Variants in RGP1 observed in about 807,000 individuals in gnomAD.
RGP1 encodes the protein RGP1 partner of RAB6A GEF complex.
Under a neutral mutation model 44.5 loss-of-function variants are expected in RGP1, and 28 were observed. That is an observed-to-expected ratio of 0.63 (90% CI 0.47 to 0.86). RGP1 has a LOEUF of 0.86. Among genes scored for constraint, RGP1 ranks in the 40% least tolerant of loss-of-function variants. The probability of loss-of-function intolerance (pLI) is 0.00; values close to 1 mark genes in which losing one functional copy is unlikely to be tolerated. For synonymous variants in RGP1, 212 were observed against 196.7 expected, an observed-to-expected ratio of 1.08 and a Z score of -0.65; for missense variants, 417 against 490.7, an observed-to-expected ratio of 0.85 and a Z score of 1.42.
At chr9:35,774,785 T>C in the RGP1 span, among the ~76,000 whole-genome samples, 2 of 152,136 alleles carry the variant, frequency 1.3e-5, no homozygotes, top group African/African-American at 4.8e-5. Context: ...TTTATTGATT[T>C]TATTTTTATT....
At position 35,752,720 on chromosome 9, in the gene RGP1, C is replaced by T; in HGVS notation, c.1022C>T (p.Pro341Leu). 2 of 1,613,754 alleles carry T rather than the reference C, an allele frequency of 1.2e-6. No individual in the cohort carries two copies. The highest frequency in any genetic ancestry group is 1.1e-5 in the South Asian group (1 of 91,022). ...GAACCAGGATTGGTACTCCTACCCCCTGTGGAACAGCCCGAACCTACCACC... is the reference window on the plus strand; with the variant it reads ...GAACCAGGATTGGTACTCCTACCCCTTGTGGAACAGCCCGAACCTACCACC... ...SREPGLVLLP[P>L]VEQPEPTTWT... Residue 341 changes from proline (P) to leucine (L), a missense_variant, in exon 9 of 9, where the codon CCT becomes CTT. Pro to Leu is a moderately conservative substitution (Grantham distance 98). Coordinates refer to ENST00000378078, the MANE Select transcript of RGP1 (RefSeq NM_001080496.3).
At position 35,758,036 on chromosome 9, in the gene RGP1, A is replaced by G. The variant is rs1376987813; in HGVS notation, c.*5162A>G. The G allele has an allele frequency of 1.3e-5, 2 of 152,202 alleles. No individual in the cohort carries two copies. Among genetic ancestry groups the G allele is most frequent in the East Asian group, 3.8e-4 (2 of 5,198 alleles). The allele number at this position is 152,202 out of a possible 1,614,324, so 9.4% of individuals were successfully genotyped here. On this transcript the variant is annotated 3_prime_UTR_variant, in exon 9 of 9. Transcript: ENST00000378078. ...CTTTTTCTTGTTTGGCTTTTGTGCCATTTGCCCCTCACTGACTTGATTGAA... is the reference window on the plus strand; with the variant it reads ...CTTTTTCTTGTTTGGCTTTTGTGCCGTTTGCCCCTCACTGACTTGATTGAA...
Position 35,753,381 on chromosome 9 carries a change from C to A in RGP1, c.*507C>A. On this transcript the variant is annotated 3_prime_UTR_variant, in exon 9 of 9. Transcript: ENST00000378078. This position sits in a 1 kb window ranked among gnomAD's most constrained non-coding sequence, Gnocchi z 4.2. ...TCACAGTTTTCCCCCCACAGAGCCCCTTTCAGTGGCCCCTTGGTCCTCCTA... is the reference window on the plus strand; with the variant it reads ...TCACAGTTTTCCCCCCACAGAGCCCATTTCAGTGGCCCCTTGGTCCTCCTA... The A allele has an allele frequency of 7.6e-7, 1 of 1,317,000 alleles. No individual in the cohort carries two copies. Among genetic ancestry groups the A allele is most frequent in the East Asian group, 2.4e-5 (1 of 41,308 alleles). 81.6% of individuals were successfully genotyped at this position (1,317,000 alleles called of 1,614,324 possible). A position where few individuals can be genotyped will look rare whatever the true frequency, so the allele number is the denominator to read the frequency against.
chr9:35,765,300 T>A, the RGP1 span, among the ~76,000 whole-genome samples: 5 of 152,238 alleles, frequency 3.3e-5, no homozygotes, highest in Admixed American at 3.3e-4. Context: ...TGCATTTTTT[T>A]AAGATAAATG....
the RGP1 span, among the ~76,000 whole-genome samples, chr9:35,773,041 G>A: frequency 6.6e-6 from 1 of 151,882 alleles, no homozygotes; most frequent in Non-Finnish European, 1.5e-5. Flanking sequence ...TTATCCTTGT[G>A]GTACCTTAAA....
chr9:35,767,729 C>T, the RGP1 span, among the ~76,000 whole-genome samples: 6 of 152,116 alleles, frequency 3.9e-5, no homozygotes, highest in African/African-American at 1.4e-4. Context: ...TTCATCATGG[C>T]ATTCTTTCTT....
chr9:35,767,630 T>C, the RGP1 span, among the ~76,000 whole-genome samples: 1 of 152,182 alleles, frequency 6.6e-6, no homozygotes, highest in African/African-American at 2.4e-5. Flanking sequence ...TAATTTATAT[T>C]GATGGATTTG....
chr9:35,750,510 A>C, intron 3 of RGP1, 131 bp downstream of exon 3: 1 of 1,326,472 alleles, frequency 7.5e-7, no homozygotes, highest in South Asian at 1.3e-5. Flanking sequence ...GTTGGGGAGC[A>C]TGACTATTGC....
At position 35,749,419 on chromosome 9, in the gene RGP1, G is replaced by C; in HGVS notation, c.-20+11G>C. Reference sequence around the variant, plus strand: ...TGTCGACTATGCGAGGTGACTAGCGGCGGTGATCTTGGGCTGGGACGTGGA... The same window carrying C: ...TGTCGACTATGCGAGGTGACTAGCGCCGGTGATCTTGGGCTGGGACGTGGA... On this transcript the variant is annotated intron_variant, in intron 1 of 8. Coordinates refer to ENST00000378078, the MANE Select transcript of RGP1 (RefSeq NM_001080496.3). The surrounding 1 kb of genome is among the most constrained non-coding windows in gnomAD (Gnocchi z 4.4). The C allele has an allele frequency of 1.8e-6, 1 of 570,512 alleles. No homozygotes were observed. Among genetic ancestry groups the C allele is most frequent in the Non-Finnish European group, 3.5e-6 (1 of 283,782 alleles). 35.3% of individuals were successfully genotyped at this position (570,512 alleles called of 1,614,324 possible).
the RGP1 span, among the ~76,000 whole-genome samples, chr9:35,765,500 T>C: frequency 6.6e-6 from 1 of 151,852 alleles, no homozygotes. Flanking sequence ...CTACAAAAAA[T>C]ACAAAAATTA....
At chr9:35,789,320 T>C in the RGP1 span, among the ~76,000 whole-genome samples, 1 of 144,854 alleles carries the variant, frequency 6.9e-6, no homozygotes, top group African/African-American at 2.6e-5. Context: ...ACCAGGCTCC[T>C]TCCACTTCCT....
At chr9:35,785,100 T>G in the RGP1 span, among the ~76,000 whole-genome samples, 12 of 152,314 alleles carry the variant, frequency 7.9e-5, no homozygotes, top group East Asian at 2.3e-3. Context: ...TTCATCATAA[T>G]AAAATTTGGC....
At chr9:35,783,551 T>C in the RGP1 span, among the ~76,000 whole-genome samples, 1 of 152,094 alleles carries the variant, frequency 6.6e-6, no homozygotes, top group Admixed American at 6.6e-5. Flanking sequence ...TTTTTTTAGA[T>C]TCCACATATG....
rs368712632 is a variant in RGP1 at position 35,753,971 on chromosome 9, T to A, written c.*1097T>A. 2 of 1,601,496 alleles carry A rather than the reference T, an allele frequency of 1.2e-6. No homozygotes were observed. Among genetic ancestry groups the A allele is most frequent in the African/African-American group, 2.7e-5 (2 of 74,750 alleles). On this transcript the variant is annotated 3_prime_UTR_variant, in exon 9 of 9. Coordinates refer to ENST00000378078, the MANE Select transcript of RGP1 (RefSeq NM_001080496.3). The surrounding 1 kb of genome is among the most constrained non-coding windows in gnomAD (Gnocchi z 4.2). ...CTCCCTGTGCCCTCTCTGCTGCTCC[T>A]CCATTCCTAACGCTTCACCCCACTT... is the stretch of plus-strand genomic sequence containing the variant.
the RGP1 span, among the ~76,000 whole-genome samples, chr9:35,788,272 A>C: frequency 1.3e-5 from 2 of 152,198 alleles, no homozygotes; most frequent in Admixed American, 6.5e-5. Context: ...TCTGGATCAG[A>C]AATAAGGTGT....
At chr9:35,759,139 C>A (rs977913902), downstream of RGP1, among the ~76,000 whole-genome samples, 1 of 152,218 alleles carries the variant, frequency 6.6e-6, no homozygotes, top group Non-Finnish European at 1.5e-5. Context: ...ACTCTCCCAA[C>A]GTTTTGCATC....
rs1298939745 is a variant in RGP1 at position 35,750,740 on chromosome 9, A to G, written c.336A>G (p.Ser112=). Reference sequence around the variant, plus strand: ...GGCTTGATCCTGGAGAGTCCAAATCATGTGAGTGATTGTCCCCATCCCTGA... The same window carrying G: ...GGCTTGATCCTGGAGAGTCCAAATCGTGTGAGTGATTGTCCCCATCCCTGA... ...DLRLDPGESK[S]YSYSEVLPIE... is the part of the protein sequence containing the mutation. The change falls in exon 4 of 9, where the codon TCA becomes TCG. Residue 112 remains serine (S), a splice_region_variant and synonymous_variant. Transcript: ENST00000378078. The G allele has an allele frequency of 1.9e-6, 3 of 1,613,852 alleles. No individual in the cohort carries two copies. In the South Asian group the frequency reaches 3.3e-5, roughly 18 times the overall value.
the RGP1 span, among the ~76,000 whole-genome samples, chr9:35,774,117 G>A: frequency 3.9e-5 from 6 of 152,312 alleles, no homozygotes; most frequent in South Asian, 1.2e-3. Context: ...ATTATTATAA[G>A]TTGGTTGAAT....
Position 35,750,370 on chromosome 9 carries a change from C to A in RGP1, c.244C>A (p.Pro82Thr), listed in dbSNP as rs1448614273. 2 of 1,613,754 alleles carry A rather than the reference C, an allele frequency of 1.2e-6. No homozygotes were observed. Among genetic ancestry groups the A allele is most frequent in the Admixed American group, 1.7e-5 (1 of 59,992 alleles). ...VQPDSQTVFL[P>T]HRGERGQCIL... ...GCCCGACAGCCAGACTGTCTTTCTG[C>A]CACACCGAGGTTAGAGAGGGGCATT... The change falls in exon 3 of 9, where the codon CCA becomes ACA. Residue 82 changes from proline (P) to threonine (T), a missense_variant. Transcript: ENST00000378078.
Sources: gnomAD v4.1 joint callset for allele counts (sites outside exome capture counted in the v4.1 genomes callset) on GRCh38, gnomAD v4.1.1 for gene constraint, Gnocchi (gnomAD v3.1) non-coding constraint, MANE v1.5 for transcripts, NCBI Gene and HGNC (gene_info 2026-07-23, HGNC 2026-07-21) for gene names.